The following KANSL3 variants were observed in gnomAD, a reference collection of about 807,000 sequenced individuals.
The protein encoded by KANSL3 is KAT8 regulatory NSL complex subunit 3.
In KANSL3, 16 loss-of-function variants were observed where a neutral mutation model predicts 89.2. The ratio of observed to expected loss-of-function variants is 0.18; its 90% CI spans 0.12 to 0.27. The LOEUF is 0.27. KANSL3 is among the 10% of genes least tolerant of loss of function. The pLI is 1.00. For synonymous variants in KANSL3, 385 were observed against 419.7 expected (o/e 0.92, Z 1.01); for missense variants, 879 against 1,110.6 (o/e 0.79, Z 2.96).
At chr2:96,613,392 A>G in intron 6 of KANSL3, 96 bp downstream of exon 6, 1 of 941,416 alleles carries the variant, frequency 1.1e-6, no homozygotes, top group Non-Finnish European at 1.6e-6. Flanking sequence ...ATAATAATAA[A>G]TAGTTAAAGA....
In KANSL3 at chr2:96,612,845, C is replaced by A; in HGVS notation, c.885G>T (p.Trp295Cys). The A allele has an allele frequency of 6.4e-7, 1 of 1,567,962 alleles. No homozygotes were observed. Among genetic ancestry groups the A allele is most frequent in the East Asian group, 2.4e-5 (1 of 42,310 alleles). ...TGCCCAAGCAGGACAGCTGAGATTG[C>A]CAGAAGCGGTGGCGGCGTGAAGTGG... ...VFPTSRRHRF[W>C]QSQLSCLGKV... The change falls in exon 7 of 21, where the codon TGG becomes TGT. Residue 295 changes from tryptophan (W) to cysteine (C), a missense_variant. By Grantham distance (215) the Trp-to-Cys change is radical (BLOSUM62 -2). Coordinates refer to ENST00000431828, the MANE Select transcript of KANSL3 (RefSeq NM_001115016.3).
chr2:96,628,572 C>T lies in KANSL3; in HGVS notation c.386+2740G>A, dbSNP rs371026631. On this transcript the variant is annotated intron_variant, in intron 3 of 20. Coordinates refer to ENST00000431828, the MANE Select transcript of KANSL3 (RefSeq NM_001115016.3). ...TAAGGTTCCCACCCGGGAGAATCAC[C>T]TGAGTCCTGGAGGTCAAGGCTTGTA... 8.5e-5 allele frequency: 14 copies of T among 164,126 alleles called. No individual in the cohort carries two copies. The East Asian group carries it at 2.4e-3, about 28-fold the overall frequency. 10.2% of individuals were successfully genotyped at this position (164,126 alleles called of 1,614,324 possible). A position where few individuals can be genotyped will look rare whatever the true frequency, so the allele number is the denominator to read the frequency against.
At chr2:96,589,545 T>C (rs898997548), downstream of KANSL3, among the ~76,000 whole-genome samples, 18 of 152,122 alleles carry the variant, frequency 1.2e-4, no homozygotes, top group Admixed American at 1.2e-3. Context: ...CTGAAAAATA[T>C]GTGTAATAAA....
At chr2:96,635,977 G>C (rs1428588455) in intron 2 of KANSL3, among the ~76,000 whole-genome samples, 2 of 148,382 alleles carry the variant, frequency 1.3e-5, no homozygotes, top group Non-Finnish European at 3.0e-5. Flanking sequence ...CTGGGCGACA[G>C]AGCAAGACTC....
Position 96,596,125 on chromosome 2 carries a change from G to C in KANSL3, c.2617-494C>G, listed in dbSNP as rs552313525. On this transcript the variant is annotated intron_variant, in intron 20 of 20. Transcript: ENST00000431828. ...TTTGAGGCCTTAGACATGTAGGTGT[G>C]GGGGGATGCCATCAATGTTGAGCCC... Among the ~76,000 whole-genome samples the C allele has an allele frequency of 5.9e-5, 9 of 152,314 alleles. No homozygotes were observed. The South Asian group carries it at 8.3e-4, about 14-fold the overall frequency.
intron 13 of KANSL3, 22 bp downstream of exon 13, chr2:96,608,842 G>A (rs370240738): frequency 2.7e-5 from 41 of 1,538,248 alleles, no homozygotes; most frequent in Non-Finnish European, 3.0e-5. Flanking sequence ...CAGCAAAAGC[G>A]CTCCCTCCCT....
chr2:96,601,935 G>A, intron 19 of KANSL3, 159 bp from the exon 20 acceptor site: 2 of 1,274,592 alleles, frequency 1.6e-6, no homozygotes, highest in Non-Finnish European at 2.1e-6. Flanking sequence ...AAAGGCAACA[G>A]GAAACAGCCT....
intron 5 of KANSL3, chr2:96,615,294 T>C (rs1407393650): frequency 6.1e-6 from 1 of 165,278 alleles, no homozygotes; most frequent in Non-Finnish European, 1.3e-5. Flanking sequence ...GATTTTATAA[T>C]ATTTTTAAAT....
At chr2:96,607,187 C>T (rs979690634) in intron 14 of KANSL3, 11 of 412,722 alleles carry the variant, frequency 2.7e-5, no homozygotes, top group African/African-American at 6.2e-5. Flanking sequence ...GACTCTGCCA[C>T]GGAGTCAGTC....
Position 96,637,173 on chromosome 2 carries a change from G to T in KANSL3, c.-38C>A. 1 of 1,331,446 alleles carries T rather than the reference G, an allele frequency of 7.5e-7. No homozygotes were observed. Among genetic ancestry groups the T allele is most frequent in the Non-Finnish European group, 1.0e-6 (1 of 952,872 alleles). 82.5% of individuals were successfully genotyped at this position (1,331,446 alleles called of 1,614,324 possible). On this transcript the variant is annotated 5_prime_UTR_variant, in exon 2 of 21. Coordinates refer to ENST00000431828, the MANE Select transcript of KANSL3 (RefSeq NM_001115016.3). ...GCAGAAAGTCAGAGCATGGGTATCT[G>T]CATGCTAGTCACCTGCAGTGAAAAG... is the stretch of plus-strand genomic sequence containing the variant.
At position 96,613,557 on chromosome 2, in the gene KANSL3, A is replaced by G. The variant is rs1196153133; in HGVS notation, c.726T>C (p.Ala242=). 6.2e-7 allele frequency: 1 copy of G among 1,613,478 alleles called. No homozygotes were observed. The highest frequency in any genetic ancestry group is 8.5e-7 in the Non-Finnish European group (1 of 1,179,618). The change falls in exon 6 of 21, where the codon GCT becomes GCC. Residue 242 remains alanine (A), a synonymous_variant. Transcript: ENST00000431828. The stretch of plus-strand genomic sequence containing the variant: ...TCTTCAGTAGGAGAGACAAGGCCTC[A>G]GCTCCTGCAGCCCCAGTCTTTGTGT... The part of the protein sequence containing the change: ...SSNTKTGAAG[A]EALSLLLKRP...
At chr2:96,593,138 A>G, downstream of KANSL3, 1 of 418,904 alleles carries the variant, frequency 2.4e-6, no homozygotes, top group East Asian at 7.1e-5. Context: ...ACATATGAGA[A>G]GTCAACTGAA....
In KANSL3 at chr2:96,636,984, G is replaced by A; in HGVS notation, c.152C>T (p.Ala51Val). ...CATGCGGGTGGGGCGGGCACTACTG[G>A]CATCTGGGTGGGCACTCCAAGGCTT... ...YAKPWSAHPD[A>V]SSARPTRMLF... Residue 51 changes from alanine (A) to valine (V), a missense_variant, in exon 2 of 21, where the codon GCC becomes GTC. Ala to Val is a moderately conservative substitution (Grantham distance 64). Transcript: ENST00000431828. 4 of 1,551,296 alleles carry A rather than the reference G, an allele frequency of 2.6e-6. No individual in the cohort carries two copies. Among genetic ancestry groups the A allele is most frequent in the Non-Finnish European group, 3.5e-6 (4 of 1,146,794 alleles).
In KANSL3 at chr2:96,609,571, C is replaced by T. The variant is rs1423370299; in HGVS notation, c.1320-9G>A. On this transcript the variant is annotated splice_polypyrimidine_tract_variant and intron_variant, in intron 11 of 20. Transcript: ENST00000431828. ...TCTTTGCTTTGCTTATTCTAAGAAA[C>T]AAAAAGGATGACATGTTTACTTCTT... 3.1e-6 allele frequency: 5 copies of T among 1,610,546 alleles called. No individual in the cohort carries two copies. In the Admixed American group the frequency reaches 6.7e-5, roughly 21 times the overall value.
rs768824281 is a variant in KANSL3 at position 96,631,344 on chromosome 2, A to G, written c.354T>C (p.Pro118=). ...IFARTDADAP[P]PPEDWEEHVN... is the part of the protein sequence containing the mutation. ...CATGCTCCTCCCAGTCCTCTGGTGG[A>G]GGAGGGGCATCTGCATCAGTCCTGG... is the stretch of plus-strand genomic sequence containing the variant. Residue 118 remains proline, a synonymous_variant, in exon 3 of 21, where the codon CCT becomes CCC. Coordinates refer to ENST00000431828, the MANE Select transcript of KANSL3 (RefSeq NM_001115016.3). 2.5e-6 allele frequency: 4 copies of G among 1,613,436 alleles called. No individual in the cohort carries two copies. The highest frequency in any genetic ancestry group is 2.5e-6 in the Non-Finnish European group (3 of 1,179,668).
intron 5 of KANSL3, chr2:96,615,398 C>G (rs927045927): frequency 1.8e-6 from 1 of 549,624 alleles, no homozygotes; most frequent in Non-Finnish European, 3.0e-6. Context: ...ATACTATATA[C>G]AGTGTACTTT....
intron 5 of KANSL3, among the ~76,000 whole-genome samples, chr2:96,616,777 C>T (rs1573482834): frequency 6.6e-6 from 1 of 152,182 alleles, no homozygotes; most frequent in South Asian, 2.1e-4. Context: ...CAACCCACAC[C>T]GTGGCCCAGC....
intron 3 of KANSL3, among the ~76,000 whole-genome samples, chr2:96,624,312 C>G (rs2071883211): frequency 6.6e-6 from 1 of 152,156 alleles, no homozygotes; most frequent in African/African-American, 2.4e-5. Context: ...TAGGAGGAGA[C>G]AGAGGATGCT....
chr2:96,611,164 A>C, intron 9 of KANSL3, 26 bp from the exon 10 acceptor site: 2 of 1,604,204 alleles, frequency 1.2e-6, no homozygotes, highest in South Asian at 1.1e-5. Flanking sequence ...CAGTTTGTCT[A>C]AACGTCAACT....
Sources: allele counts gnomAD v4.1 joint callset (sites outside exome capture counted in the v4.1 genomes callset), GRCh38; gene constraint gnomAD v4.1.1; transcripts MANE v1.5; gene names NCBI Gene and HGNC (gene_info 2026-07-23, HGNC 2026-07-21).